Variants in UBASH3A observed in about 807,000 individuals in gnomAD.
UBASH3A encodes ubiquitin associated and SH3 domain containing A.
In UBASH3A, 63 loss-of-function variants were observed where a neutral mutation model predicts 73.5. The ratio of observed to expected loss-of-function variants is 0.86; its 90% CI spans 0.70 to 1.06. The LOEUF is 1.06. Ranked by LOEUF, UBASH3A falls within the 50% of genes least tolerant of loss-of-function variation. The pLI is 0.00. For synonymous variants in UBASH3A, 363 were observed against 351.1 expected (o/e 1.03, Z -0.38); for missense variants, 860 against 859.0 (o/e 1.00, Z -0.02).
At chr21:42,418,888 A>G (rs919228092) in intron 7 of UBASH3A, among the ~76,000 whole-genome samples, 1 of 152,172 alleles carries the variant, frequency 6.6e-6, no homozygotes, top group African/African-American at 2.4e-5. Context: ...TCACACACAT[A>G]ATAAATTATA....
chr21:42,414,866 G>A (rs1317605171), intron 5 of UBASH3A, among the ~76,000 whole-genome samples: 5 of 152,194 alleles, frequency 3.3e-5, no homozygotes, highest in South Asian at 2.1e-4. Context: ...CCAGGCTGGC[G>A]GAGCAGGGAC....
At chr21:42,418,878 T>C (rs2053277375) in intron 7 of UBASH3A, among the ~76,000 whole-genome samples, 1 of 152,254 alleles carries the variant, frequency 6.6e-6, no homozygotes, top group South Asian at 2.1e-4. Flanking sequence ...TACTTCTTTA[T>C]CACACACATA....
intron 7 of UBASH3A, among the ~76,000 whole-genome samples, chr21:42,424,817 T>A (rs2053406241): frequency 1.3e-5 from 2 of 152,316 alleles, no homozygotes; most frequent in Admixed American, 1.3e-4. Flanking sequence ...AAGAGGTGAC[T>A]AAGTTCAAAT....
intron 13 of UBASH3A, 110 bp downstream of exon 13, chr21:42,443,528 C>G: frequency 2.3e-6 from 2 of 862,348 alleles, no homozygotes; most frequent in Non-Finnish European, 3.5e-6. Context: ...ACTTCTCCTG[C>G]CTGCCCCCGC....
intron 3 of UBASH3A, chr21:42,410,331 G>T (rs74332873): frequency 3.4e-6 from 2 of 596,188 alleles, no homozygotes; most frequent in Admixed American, 2.9e-5. Context: ...TTCTGCTACC[G>T]CGGCCTGGCC....
intron 7 of UBASH3A, among the ~76,000 whole-genome samples, chr21:42,420,338 T>C (rs1186282438): frequency 6.6e-6 from 1 of 152,226 alleles, no homozygotes; most frequent in Non-Finnish European, 1.5e-5. Flanking sequence ...ATAGTTGTTA[T>C]ACGGTATTGT....
intron 12 of UBASH3A, 26 bp from the exon 13 acceptor site, chr21:42,443,286 G>T (rs563286757): frequency 6.2e-7 from 1 of 1,603,140 alleles, no homozygotes; most frequent in Admixed American, 1.7e-5. Context: ...TGCCAGGGCA[G>T]CAGCCTCTCC....
intron 3 of UBASH3A, among the ~76,000 whole-genome samples, chr21:42,412,548 T>G (rs532225247): frequency 5.1e-4 from 78 of 152,180 alleles, no homozygotes; most frequent in Non-Finnish European, 1.1e-3. Context: ...CCCGACTCAG[T>G]GCTCAGCCGT....
At position 42,418,529 on chromosome 21, in the gene UBASH3A, A is replaced by G. The variant is rs764085940; in HGVS notation, c.966A>G (p.Ser322=). The G allele has an allele frequency of 6.2e-7, 1 of 1,614,176 alleles. No individual in the cohort carries two copies. The highest frequency in any genetic ancestry group is 1.1e-5 in the South Asian group (1 of 91,080). ...GCGAGGGCTGGGTGATTGGGATCTC[A>G]CAGCGGACGGGCTGCCGGGGCTTCC... ...EASEGWVIGI[S]QRTGCRGFLP... The change falls in exon 7 of 15, where the codon TCA becomes TCG. Residue 322 remains serine, a synonymous_variant. Coordinates refer to ENST00000319294, the MANE Select transcript of UBASH3A (RefSeq NM_018961.4).
rs570772018 is a variant in UBASH3A, at chr21:42,428,047, T to C, written c.1170+1227T>C. ...TCTGATCCAATCTGACTGCTGCCCT[T>C]ATAAGAAGAGGGGATGAGGAAACAG... On this transcript the variant is annotated intron_variant, in intron 8 of 14. Transcript: ENST00000319294. Among the ~76,000 whole-genome samples, 16 of 152,130 alleles carry C rather than the reference T, an allele frequency of 1.1e-4. No homozygotes were observed. In the South Asian group the frequency reaches 2.7e-3, roughly 26 times the overall value.
At position 42,444,540 on chromosome 21, in the gene UBASH3A, T is replaced by C. The variant is rs780244237; in HGVS notation, c.1745T>C (p.Val582Ala). 1 of 1,612,594 alleles carries C rather than the reference T, an allele frequency of 6.2e-7. No individual in the cohort carries two copies. The highest frequency in any genetic ancestry group is 1.1e-5 in the South Asian group (1 of 91,078). ...IVNTCPQDTGVILIVSHGSTL... is the reference protein window; with the variant it reads ...IVNTCPQDTGAILIVSHGSTL... ...GTGTTCTTGTTTTCCACAGCGGGTG[T>C]CATCCTAATTGTGAGTCACGGCTCC... is the stretch of plus-strand genomic sequence containing the variant. Residue 582 changes from valine to alanine, a missense_variant, in exon 14 of 15, where the codon GTC (valine) becomes GCC (alanine). Coordinates refer to ENST00000319294, the MANE Select transcript of UBASH3A (RefSeq NM_018961.4).
chr21:42,412,691 G>T (rs1453674114), intron 3 of UBASH3A, among the ~76,000 whole-genome samples: 1 of 152,180 alleles, frequency 6.6e-6, no homozygotes, highest in African/African-American at 2.4e-5. Flanking sequence ...GAGCAAAGCA[G>T]TGTGCCATGG....
At position 42,417,760 on chromosome 21, in the gene UBASH3A, G is replaced by A. The variant is rs142364181; in HGVS notation, c.838-641G>A. Among the ~76,000 whole-genome samples the A allele has an allele frequency of 3.4e-4, 52 of 152,122 alleles. 1 individual carries two copies. The East Asian group carries it at 8.1e-3, about 24-fold the overall frequency. Reference sequence around the variant, plus strand: ...TATGAGGTGTCAATAACCTCACACCGAGGAAGGCGGATGTGAAAGTCTGCT... The same window carrying A: ...TATGAGGTGTCAATAACCTCACACCAAGGAAGGCGGATGTGAAAGTCTGCT... On this transcript the variant is annotated intron_variant, in intron 6 of 14. Transcript: ENST00000319294.
chr21:42,410,221 A>T (rs2053062010), intron 3 of UBASH3A: 1 of 699,230 alleles, frequency 1.4e-6, no homozygotes. Flanking sequence ...AGACAAGAAG[A>T]ATGTGGGAGC....
Position 42,413,946 on chromosome 21 carries a change from A to G in UBASH3A, c.667+423A>G, listed in dbSNP as rs2053152921. Among the ~76,000 whole-genome samples, 1 of 152,182 alleles carries G rather than the reference A, an allele frequency of 6.6e-6. No homozygotes were observed. Among genetic ancestry groups the G allele is most frequent in the Admixed American group, 6.5e-5 (1 of 15,282 alleles). Reference sequence around the variant, plus strand: ...AAAGGATTGTGGACTTGACGTCAGAAGATGTGATTTTTTTCTGTGTCCCTG... The same window carrying G: ...AAAGGATTGTGGACTTGACGTCAGAGGATGTGATTTTTTTCTGTGTCCCTG... On this transcript the variant is annotated intron_variant, in intron 5 of 14. Coordinates refer to ENST00000319294, the MANE Select transcript of UBASH3A (RefSeq NM_018961.4). This position sits in a 1 kb window ranked among gnomAD's most constrained non-coding sequence, Gnocchi z 4.5.
intron 8 of UBASH3A, among the ~76,000 whole-genome samples, 187 bp from the exon 9 acceptor site, chr21:42,431,916 T>C (rs957847762): frequency 6.6e-6 from 1 of 152,168 alleles, no homozygotes; most frequent in East Asian, 1.9e-4. Context: ...TTGGAAGAAA[T>C]TGAAGAGATT....
At chr21:42,429,868 A>C (rs2053498955) in intron 8 of UBASH3A, among the ~76,000 whole-genome samples, 1 of 152,144 alleles carries the variant, frequency 6.6e-6, no homozygotes, top group Admixed American at 6.5e-5. Context: ...GACTCAGCCC[A>C]GTGACCCTAA....
At chr21:42,416,378 T>C in intron 5 of UBASH3A, 64 bp from the exon 6 acceptor site, 1 of 1,470,846 alleles carries the variant, frequency 6.8e-7, no homozygotes, top group Non-Finnish European at 9.0e-7. Flanking sequence ...AGCATGGAGG[T>C]CGGAGGAAGG....
intron 7 of UBASH3A, among the ~76,000 whole-genome samples, chr21:42,421,535 C>T (rs926598945): frequency 7.2e-5 from 11 of 152,242 alleles, no homozygotes. Flanking sequence ...AAGTTGAACA[C>T]AGATGTATCA....
Sources: gnomAD v4.1 joint callset for allele counts (sites outside exome capture counted in the v4.1 genomes callset) on GRCh38, gnomAD v4.1.1 for gene constraint, Gnocchi (gnomAD v3.1) non-coding constraint, MANE v1.5 for transcripts, NCBI Gene and HGNC (gene_info 2026-07-23, HGNC 2026-07-21) for gene names.